The following LRRC4C variants were observed in gnomAD, a reference collection of about 807,000 sequenced individuals.
The protein encoded by LRRC4C is leucine-rich repeat-containing protein 4C.
Under a neutral mutation model 33.6 loss-of-function variants are expected in LRRC4C, and 5 were observed. The observed-to-expected ratio is 0.15, with a 90% confidence interval of 0.08 to 0.31. The LOEUF (loss-of-function observed/expected upper bound fraction) is 0.31. Ranked by LOEUF, LRRC4C falls within the 10% of genes least tolerant of loss-of-function variation. LRRC4C has a pLI of 1.00. For synonymous variants in LRRC4C, 329 were observed against 302.0 expected (o/e 1.09, Z -0.93); for missense variants, 560 against 796.7 (o/e 0.70, Z 3.58).
chr11:41,066,811 A>G (rs1938276955), intron 1 of LRRC4C, among the ~76,000 whole-genome samples: 1 of 152,174 alleles, frequency 6.6e-6, no homozygotes, highest in African/African-American at 2.4e-5. Flanking sequence ...ATCCAGCCAA[A>G]CTAAGTTTCA....
At chr11:40,784,609 C>G (rs1022347187) in intron 2 of LRRC4C, among the ~76,000 whole-genome samples, 3 of 152,164 alleles carry the variant, frequency 2.0e-5, no homozygotes, top group South Asian at 4.1e-4. Flanking sequence ...CTCCCTTATT[C>G]TTGTTTTGAT....
At chr11:40,325,535 T>G (rs564832256) in intron 3 of LRRC4C, among the ~76,000 whole-genome samples, 1 of 151,840 alleles carries the variant, frequency 6.6e-6, no homozygotes, top group South Asian at 2.1e-4. Context: ...GGCTGAGCAG[T>G]GAGGGTCATT....
chr11:41,201,506 A>G (rs1203112697), intron 1 of LRRC4C, among the ~76,000 whole-genome samples: 2 of 152,272 alleles, frequency 1.3e-5, no homozygotes, highest in East Asian at 3.9e-4. Flanking sequence ...AACTACTAGA[A>G]CAGAGTCTTT....
chr11:40,492,710 A>T (rs1954222065), intron 3 of LRRC4C, among the ~76,000 whole-genome samples: 1 of 152,130 alleles, frequency 6.6e-6, no homozygotes, highest in Non-Finnish European at 1.5e-5. Context: ...TCACAAAAAA[A>T]GTTATGAAAT....
At chr11:40,407,342 ACT>A (rs1253859679) in intron 3 of LRRC4C, among the ~76,000 whole-genome samples, 5 of 151,870 alleles carry the variant, frequency 3.3e-5, no homozygotes, top group African/African-American at 4.8e-5. Flanking sequence ...GCTGGAAGAC[ACT>A]CTCTATTTTT....
At chr11:40,927,211 T>C (rs1036175053) in intron 2 of LRRC4C, among the ~76,000 whole-genome samples, 3 of 151,946 alleles carry the variant, frequency 2.0e-5, no homozygotes, top group Non-Finnish European at 4.4e-5. Context: ...CTGTCACTAC[T>C]AAACATACAA....
chr11:41,106,242 C>T (rs182136387), intron 1 of LRRC4C, among the ~76,000 whole-genome samples: 1,613 of 148,552 alleles, frequency 0.011, 39 homozygotes, highest in African/African-American at 0.038. Context: ...TATCTGTCTG[C>T]GCATTTGTGT....
chr11:40,954,689 G>A (rs949236096), intron 1 of LRRC4C, among the ~76,000 whole-genome samples: 10 of 151,974 alleles, frequency 6.6e-5, no homozygotes, highest in South Asian at 2.1e-4. Flanking sequence ...GTTATTGTGT[G>A]ATTAATGCAA....
intron 1 of LRRC4C, among the ~76,000 whole-genome samples, chr11:41,006,988 T>C (rs1854802300): frequency 6.6e-6 from 1 of 152,152 alleles, no homozygotes; most frequent in African/African-American, 2.4e-5. Flanking sequence ...CCAAAGGCAC[T>C]GAGCAAATCA....
At chr11:40,179,598 C>T (rs530823931) in intron 5 of LRRC4C, among the ~76,000 whole-genome samples, 1 of 152,188 alleles carries the variant, frequency 6.6e-6, no homozygotes, top group East Asian at 1.9e-4. Flanking sequence ...TTCTTCTCCC[C>T]GGAGACTGAG....
At chr11:40,294,533 C>T (rs1706420463) in intron 4 of LRRC4C, among the ~76,000 whole-genome samples, 1 of 152,088 alleles carries the variant, frequency 6.6e-6, no homozygotes, top group South Asian at 2.1e-4. Flanking sequence ...AGGATTAACA[C>T]AGTACTATTG....
chr11:41,179,572 T>C (rs1945355251), intron 1 of LRRC4C, among the ~76,000 whole-genome samples: 3 of 152,210 alleles, frequency 2.0e-5, no homozygotes, highest in Admixed American at 6.5e-5. Flanking sequence ...CTTCTGACTC[T>C]TTTCTCACAT....
At chr11:41,252,669 A>T (rs1948679298) in intron 1 of LRRC4C, among the ~76,000 whole-genome samples, 1 of 152,154 alleles carries the variant, frequency 6.6e-6, no homozygotes. Context: ...GTCTGCTCTC[A>T]GCTGCTAATA....
At chr11:40,580,164 G>A (rs1031886852) in intron 3 of LRRC4C, among the ~76,000 whole-genome samples, 5 of 151,832 alleles carry the variant, frequency 3.3e-5, no homozygotes, top group East Asian at 1.9e-4. Context: ...GAAATTCCCC[G>A]AAACTGAATA....
At chr11:40,481,157 C>T (rs1338851198) in intron 3 of LRRC4C, among the ~76,000 whole-genome samples, 1 of 151,242 alleles carries the variant, frequency 6.6e-6, no homozygotes, top group Non-Finnish European at 1.5e-5. Context: ...AATGTTAACT[C>T]GTATACTTCA....
intron 3 of LRRC4C, among the ~76,000 whole-genome samples, chr11:40,532,701 G>C (rs1231006803): frequency 4.3e-5 from 6 of 138,454 alleles, no homozygotes; most frequent in Admixed American, 4.2e-4. Context: ...CATAGAAGTG[G>C]GGGAGGAGTT....
intron 3 of LRRC4C, among the ~76,000 whole-genome samples, chr11:40,421,710 A>G (rs902140125): frequency 6.6e-6 from 1 of 152,248 alleles, no homozygotes; most frequent in African/African-American, 2.4e-5. Flanking sequence ...GTCAGATAAA[A>G]TAAGTCACTG....
intron 4 of LRRC4C, chr11:40,293,572 G>A (rs905157272): frequency 2.0e-5 from 3 of 151,340 alleles, no homozygotes; most frequent in African/African-American, 7.3e-5. Flanking sequence ...GGACAGACAG[G>A]GTGGTAGGCA....
intron 1 of LRRC4C, among the ~76,000 whole-genome samples, chr11:41,320,066 A>G (rs1950913240): frequency 6.6e-6 from 1 of 152,214 alleles, no homozygotes; most frequent in Non-Finnish European, 1.5e-5. Flanking sequence ...AATTTTGACT[A>G]TGGTAACCAA....
Sources: gnomAD v4.1 joint callset for allele counts (sites outside exome capture counted in the v4.1 genomes callset) on GRCh38, gnomAD v4.1.1 for gene constraint, MANE v1.5 for transcripts, NCBI Gene and HGNC (gene_info 2026-07-23, HGNC 2026-07-21) for gene names.